FAM186B: variants seen among roughly 807,000 people sequenced by gnomAD.
The protein encoded by FAM186B is protein FAM186B.
In FAM186B, 68 loss-of-function variants were observed where a neutral mutation model predicts 83.4. The ratio of observed to expected loss-of-function variants is 0.81; its 90% confidence interval spans 0.67 to 1.00. FAM186B has a LOEUF of 1.00. Ranked by LOEUF, FAM186B falls within the 50% of genes least tolerant of loss-of-function variation. The probability of loss-of-function intolerance (pLI) is 0.00; values close to 1 mark genes in which losing one functional copy is unlikely to be tolerated. For missense variants in FAM186B, 983 were observed against 1,099.2 expected, an observed-to-expected ratio of 0.89 and a Z score of 1.49; for synonymous variants, 389 against 422.0, an observed-to-expected ratio of 0.92 and a Z score of 0.96.
chr12:49,602,659 C>G (rs1939919611), intron 3 of FAM186B, among the ~76,000 whole-genome samples: 1 of 152,186 alleles, frequency 6.6e-6, no homozygotes, highest in Non-Finnish European at 1.5e-5. Context: ...ACAGCCTTTC[C>G]TTGTGCTCCC....
chr12:49,605,984 G>C (rs780938194), upstream of FAM186B, among the ~76,000 whole-genome samples: 4 of 151,480 alleles, frequency 2.6e-5, no homozygotes, highest in Non-Finnish European at 5.9e-5. Context: ...GGATGGTCTC[G>C]ATCTCCTGAC....
chr12:49,601,618 T>G (rs1320772408), intron 3 of FAM186B, among the ~76,000 whole-genome samples: 1 of 142,356 alleles, frequency 7.0e-6, no homozygotes, highest in East Asian at 1.9e-4. Context: ...TCACATGTTT[T>G]ATGTTTTTTT....
At chr12:49,587,207 C>T (rs1939463902), downstream of FAM186B, among the ~76,000 whole-genome samples, 1 of 152,028 alleles carries the variant, frequency 6.6e-6, no homozygotes, top group Non-Finnish European at 1.5e-5. Context: ...AGTGACAGGC[C>T]CAGGCCCAAG....
At chr12:49,593,983 G>C (rs1205970799) in intron 5 of FAM186B, 1 of 154,372 alleles carries the variant, frequency 6.5e-6, no homozygotes, top group African/African-American at 2.4e-5. Flanking sequence ...ATATTATTAA[G>C]ATGCCATTTC....
At chr12:49,608,344 A>G (rs1940054896), upstream of FAM186B, among the ~76,000 whole-genome samples, 2 of 151,530 alleles carry the variant, frequency 1.3e-5, no homozygotes, top group African/African-American at 4.8e-5. Context: ...CATAAAAATT[A>G]GCTGGGTGTG....
At chr12:49,594,566 T>A (rs187777183) in intron 5 of FAM186B, among the ~76,000 whole-genome samples, 1 of 152,292 alleles carries the variant, frequency 6.6e-6, no homozygotes, top group East Asian at 1.9e-4. Context: ...ATGTGGTTGG[T>A]CTCTTGCTCT....
At chr12:49,612,982 G>C in the FAM186B span, among the ~76,000 whole-genome samples, 1 of 152,020 alleles carries the variant, frequency 6.6e-6, no homozygotes, top group Non-Finnish European at 1.5e-5. Context: ...CACATGCTTG[G>C]CCATAAAGCA....
At chr12:49,612,091 C>A in the FAM186B span, among the ~76,000 whole-genome samples, 431 of 152,174 alleles carry the variant, frequency 2.8e-3, 2 homozygotes, top group Non-Finnish European at 4.4e-3. Context: ...AACTACAAAG[C>A]AACCAGCTAG....
At chr12:49,608,608 G>T (rs1940057085), upstream of FAM186B, among the ~76,000 whole-genome samples, 1 of 151,876 alleles carries the variant, frequency 6.6e-6, no homozygotes, top group South Asian at 2.1e-4. Flanking sequence ...AACTCTGTGG[G>T]CTTTAATTCA....
At chr12:49,610,156 A>C (rs1029823729), upstream of FAM186B, among the ~76,000 whole-genome samples, 18 of 151,822 alleles carry the variant, frequency 1.2e-4, no homozygotes, top group Non-Finnish European at 1.0e-4. Context: ...AAAAAAAAAA[A>C]CCGATATTAT....
rs770427232 is a variant in FAM186B, at chr12:49,600,738, C to T, written c.902G>A (p.Gly301Glu). ...CAGGAGAAGGTCATGGTACCTTCCCCCTAAGATCTCTACCTGCTTCAGCAG... is the reference window on the plus strand; with the variant it reads ...CAGGAGAAGGTCATGGTACCTTCCCTCTAAGATCTCTACCTGCTTCAGCAG... Reference protein sequence around the residue: ...DALLKQVEILGGRYHDLLLMK... With the variant: ...DALLKQVEILEGRYHDLLLMK... Residue 301 changes from glycine to glutamate, a missense_variant, in exon 4 of 7, where the codon GGG (glycine) becomes GAG (glutamate). Transcript: ENST00000257894. The surrounding 1 kb of genome is among the most constrained non-coding windows in gnomAD (Gnocchi z 4.3). 12 of 1,614,032 alleles carry T rather than the reference C, an allele frequency of 7.4e-6. No homozygotes were observed. The African/African-American group carries it at 1.3e-4, about 18-fold the overall frequency.
chr12:49,598,879 T>G lies in FAM186B; in HGVS notation c.2240A>C (p.Tyr747Ser). 6.2e-7 allele frequency: 1 copy of G among 1,613,476 alleles called. No homozygotes were observed. Among genetic ancestry groups the G allele is most frequent in the Non-Finnish European group, 8.5e-7 (1 of 1,179,890 alleles). Reference protein sequence around the residue: ...TEASYKAQNLYIFLENIDRLQ... With the variant: ...TEASYKAQNLSIFLENIDRLQ... The stretch of plus-strand genomic sequence containing the variant: ...GCGGTCAATGTTTTCCAGGAAGATG[T>G]AGAGGTTCTGGGCCTTGTAGGAAGC... The change falls in exon 5 of 7, where the codon TAC becomes TCC. Residue 747 changes from tyrosine (Y) to serine (S), a missense_variant. Physicochemically the swap from Tyr to Ser is moderately radical, Grantham distance 144 (BLOSUM62 -2). Coordinates refer to ENST00000257894, the MANE Select transcript of FAM186B (RefSeq NM_032130.3).
At chr12:49,607,723 A>G (rs1373192799), upstream of FAM186B, among the ~76,000 whole-genome samples, 2 of 152,152 alleles carry the variant, frequency 1.3e-5, no homozygotes, top group Non-Finnish European at 2.9e-5. Context: ...TTTCTGAGAC[A>G]GAGTCTTACT....
chr12:49,597,655 G>GTTAACATAACAA (rs1242860367), intron 5 of FAM186B, among the ~76,000 whole-genome samples: 1 of 151,912 alleles, frequency 6.6e-6, no homozygotes, highest in East Asian at 1.9e-4. Context: ...TGAGATGATG[G>GTTAACATAACAA]ATATGTTAAT....
At chr12:49,595,228 G>A in intron 5 of FAM186B, 1 of 646,210 alleles carries the variant, frequency 1.5e-6, no homozygotes, top group South Asian at 1.5e-5. Flanking sequence ...CACCATTGCA[G>A]GTCTGGCTGG....
chr12:49,610,032 T>C (rs1212250772), upstream of FAM186B, among the ~76,000 whole-genome samples: 1 of 150,856 alleles, frequency 6.6e-6, no homozygotes, highest in Non-Finnish European at 1.5e-5. Flanking sequence ...CACAACCCAA[T>C]ATAAAATCTG....
intron 3 of FAM186B, 107 bp downstream of exon 3, chr12:49,603,078 G>C: frequency 1.6e-6 from 2 of 1,244,446 alleles, no homozygotes; most frequent in Non-Finnish European, 2.3e-6. Context: ...TCAAACTTCT[G>C]TGATGGAGGA....
At chr12:49,622,715 T>G in the FAM186B span, 1 of 152,280 alleles carries the variant, frequency 6.6e-6, no homozygotes, top group Non-Finnish European at 1.5e-5. Context: ...TAGCACGGCA[T>G]CACGCGAGTC....
chr12:49,591,225 A>G (rs527521100), intron 5 of FAM186B, among the ~76,000 whole-genome samples: 1 of 152,332 alleles, frequency 6.6e-6, no homozygotes, highest in Non-Finnish European at 1.5e-5. Context: ...TGAAAACCAG[A>G]GTACCAGAGA....
Sources: gnomAD v4.1 joint callset for allele counts (sites outside exome capture counted in the v4.1 genomes callset) on GRCh38, gnomAD v4.1.1 for gene constraint, Gnocchi (gnomAD v3.1) non-coding constraint, MANE v1.5 for transcripts, NCBI Gene and HGNC (gene_info 2026-07-23, HGNC 2026-07-21) for gene names.